Variants in SLC39A11 observed in about 807,000 individuals in gnomAD.
SLC39A11 encodes solute carrier family 39 member 11, also known as zinc transporter ZIP11.
Under a neutral mutation model 36.1 loss-of-function variants are expected in SLC39A11, and 33 were observed. That is an observed-to-expected ratio of 0.91 (90% CI 0.69 to 1.22). The LOEUF is 1.22. Among genes scored for constraint, SLC39A11 ranks in the 50% most tolerant of loss-of-function variants. The pLI, the probability that SLC39A11 is intolerant of heterozygous loss-of-function variation, is 0.00. For missense variants in SLC39A11, 432 were observed against 430.3 expected (o/e 1.00, Z -0.03); for synonymous variants, 166 against 170.3 (o/e 0.97, Z 0.20).
At chr17:72,925,540 C>T (rs1312738622) in intron 5 of SLC39A11, among the ~76,000 whole-genome samples, 2 of 152,138 alleles carry the variant, frequency 1.3e-5, no homozygotes, top group East Asian at 1.9e-4. Flanking sequence ...CTGTGTGTTC[C>T]TCACCACGGA....
intron 5 of SLC39A11, among the ~76,000 whole-genome samples, chr17:72,898,617 TG>T (rs1317221971): frequency 6.6e-6 from 1 of 152,178 alleles, no homozygotes; most frequent in Non-Finnish European, 1.5e-5. Context: ...CATACACACA[TG>T]CAAGCACATG....
At chr17:72,782,737 A>C (rs1450124007) in intron 6 of SLC39A11, among the ~76,000 whole-genome samples, 5 of 145,248 alleles carry the variant, frequency 3.4e-5, no homozygotes, top group African/African-American at 1.0e-4. Flanking sequence ...ACAGTGGCTT[A>C]TGCCTGTAAT....
intron 5 of SLC39A11, among the ~76,000 whole-genome samples, chr17:72,928,727 A>G (rs1436234779): frequency 2.0e-5 from 3 of 152,220 alleles, no homozygotes; most frequent in Admixed American, 2.0e-4. Flanking sequence ...CAAGCATTAG[A>G]GCAAGATTGA....
intron 6 of SLC39A11, among the ~76,000 whole-genome samples, chr17:72,771,270 C>T (rs900458516): frequency 6.6e-6 from 1 of 151,032 alleles, no homozygotes; most frequent in South Asian, 2.1e-4. Context: ...GTAATCCCAG[C>T]TACTTGGGTG....
At chr17:73,078,395 ATAGG>A (rs1400282024) in intron 3 of SLC39A11, among the ~76,000 whole-genome samples, 2 of 152,156 alleles carry the variant, frequency 1.3e-5, no homozygotes, top group African/African-American at 2.4e-5. Flanking sequence ...ATATAGATAG[ATAGG>A]TAGGTAGGTA....
intron 3 of SLC39A11, among the ~76,000 whole-genome samples, chr17:73,069,420 T>C (rs2060093785): frequency 6.6e-6 from 1 of 152,220 alleles, no homozygotes; most frequent in Admixed American, 6.5e-5. Context: ...CACTAAATGG[T>C]TGAGGGCTTG....
chr17:73,044,137 C>T (rs1435577098), intron 3 of SLC39A11, among the ~76,000 whole-genome samples: 1 of 151,704 alleles, frequency 6.6e-6, no homozygotes, highest in Non-Finnish European at 1.5e-5. Context: ...GGAAAAAGTA[C>T]TTTTGCTTAA....
intron 6 of SLC39A11, among the ~76,000 whole-genome samples, chr17:72,788,411 G>C (rs1184964910): frequency 6.6e-6 from 1 of 152,206 alleles, no homozygotes; most frequent in African/African-American, 2.4e-5. Context: ...GGTCCCTGAA[G>C]ATTAAGCTGT....
intron 5 of SLC39A11, among the ~76,000 whole-genome samples, chr17:72,855,749 T>C (rs976315851): frequency 6.6e-6 from 1 of 151,954 alleles, no homozygotes; most frequent in Admixed American, 6.6e-5. Context: ...TACAAAAAAT[T>C]AGCCAGGCGT....
At position 73,028,100 on chromosome 17, in the gene SLC39A11, G is replaced by C. The variant is rs557760181; in HGVS notation, c.306+3456C>G. Among the ~76,000 whole-genome samples, 5 of 152,240 alleles carry C rather than the reference G, an allele frequency of 3.3e-5. 1 individual carries two copies. The highest frequency in any genetic ancestry group is 2.6e-4 in the Admixed American group (4 of 15,290). ...CTTCATTCTGCTCCTGGGGCCATCC[G>C]CTGAATTGTGGGACTCCATCATCAG... On this transcript the variant is annotated intron_variant, in intron 4 of 9. Coordinates refer to ENST00000255559, the MANE Select transcript of SLC39A11 (RefSeq NM_139177.4).
In SLC39A11 at chr17:72,821,443, T is replaced by C. The variant is rs145738695; in HGVS notation, c.601+28191A>G. ...ACCGATTGAACTCAGGAGGCGGAGGTTGTGGTGAGCCAAGATTGTACCACT... is the reference window on the plus strand; with the variant it reads ...ACCGATTGAACTCAGGAGGCGGAGGCTGTGGTGAGCCAAGATTGTACCACT... On this transcript the variant is annotated intron_variant, in intron 6 of 9. Coordinates refer to ENST00000255559, the MANE Select transcript of SLC39A11 (RefSeq NM_139177.4). Among the ~76,000 whole-genome samples, 36 of 133,872 alleles carry C rather than the reference T, an allele frequency of 2.7e-4. 2 individuals carry two copies. Among genetic ancestry groups the C allele is most frequent in the Non-Finnish European group, 5.0e-4 (32 of 64,396 alleles). The allele number at this position is 133,872 out of a possible 152,430, so 87.8% of individuals were successfully genotyped here. A position where few individuals can be genotyped will look rare whatever the true frequency, so the allele number is the denominator to read the frequency against.
chr17:72,948,314 A>G, intron 4 of SLC39A11, among the ~76,000 whole-genome samples: 1 of 149,930 alleles, frequency 6.7e-6, no homozygotes. Flanking sequence ...CCGCACGCAC[A>G]CAAAACCCCA....
At chr17:72,834,143 C>T (rs1288714281) in intron 6 of SLC39A11, among the ~76,000 whole-genome samples, 1 of 152,062 alleles carries the variant, frequency 6.6e-6, no homozygotes, top group Non-Finnish European at 1.5e-5. Context: ...AGTAGAACTT[C>T]CTGTGATCAT....
chr17:72,685,764 C>T (rs759166735), intron 7 of SLC39A11, among the ~76,000 whole-genome samples: 23 of 152,122 alleles, frequency 1.5e-4, no homozygotes, highest in Non-Finnish European at 2.9e-4. Flanking sequence ...GTGGGCTGTG[C>T]GTGGTGGTTC....
At chr17:72,909,156 G>A in intron 5 of SLC39A11, among the ~76,000 whole-genome samples, 1 of 152,204 alleles carries the variant, frequency 6.6e-6, no homozygotes, top group South Asian at 2.1e-4. Flanking sequence ...CGAGGCTGGA[G>A]TAAAGTGGGG....
At chr17:72,968,640 C>T (rs891931875) in intron 4 of SLC39A11, among the ~76,000 whole-genome samples, 11 of 152,128 alleles carry the variant, frequency 7.2e-5, no homozygotes, top group Admixed American at 2.6e-4. Flanking sequence ...GCAGAATCCT[C>T]CCCGACCGCC....
chr17:72,706,352 T>C (rs2143187861), intron 7 of SLC39A11, among the ~76,000 whole-genome samples: 1 of 152,264 alleles, frequency 6.6e-6, no homozygotes, highest in Middle Eastern at 3.4e-3. Flanking sequence ...TGATTTTCTG[T>C]CTCATATACT....
chr17:72,784,556 G>C (rs2076435646), intron 6 of SLC39A11, among the ~76,000 whole-genome samples: 1 of 152,100 alleles, frequency 6.6e-6, no homozygotes, highest in South Asian at 2.1e-4. Context: ...ATGTTGAATT[G>C]TAATGACCGA....
intron 7 of SLC39A11, among the ~76,000 whole-genome samples, chr17:72,692,257 C>T (rs567228898): frequency 2.2e-4 from 33 of 152,190 alleles, no homozygotes; most frequent in Non-Finnish European, 4.0e-4. Flanking sequence ...GCGAACCACC[C>T]GCCTCGGCCT....
Sources: gnomAD v4.1 joint callset for allele counts (sites outside exome capture counted in the v4.1 genomes callset) on GRCh38, gnomAD v4.1.1 for gene constraint, MANE v1.5 for transcripts, NCBI Gene and HGNC (gene_info 2026-07-23, HGNC 2026-07-21) for gene names.